GRB14: variants seen among roughly 807,000 people sequenced by gnomAD.
GRB14 encodes growth factor receptor-bound protein 14.
In GRB14, 38 loss-of-function variants were observed where a neutral mutation model predicts 69.1. The ratio of observed to expected loss-of-function variants is 0.55; its 90% CI spans 0.42 to 0.72. The LOEUF is 0.72. Among genes scored for constraint, GRB14 ranks in the 30% least tolerant of loss-of-function variants. The pLI is 0.00. For synonymous variants in GRB14, 247 were observed against 241.3 expected (o/e 1.02, Z -0.22); for missense variants, 666 against 666.1 (o/e 1.00, Z 0.00).
Position 164,497,328 on chromosome 2 carries a change from C to A in GRB14, c.1222-45G>T, listed in dbSNP as rs925660177. 8 of 1,605,638 alleles carry A rather than the reference C, an allele frequency of 5.0e-6. No homozygotes were observed. The African/African-American group carries it at 6.7e-5, about 13-fold the overall frequency. ...ACAAATCTCAAGTTTTTAGGTGAAA[C>A]AAACTGAAATCATAAATATTTTGAA... On this transcript the variant is annotated intron_variant, in intron 10 of 13. Coordinates refer to ENST00000263915, the MANE Select transcript of GRB14 (RefSeq NM_004490.3).
Position 164,605,362 on chromosome 2 carries a change from AG to A in GRB14, c.324+14324del, listed in dbSNP as rs569769293. ...GAGAAGAAGCAAGTTTAAGAGGAAG[AG>A]TATTCACTTGTTTTGGAATCTGCTG... On this transcript the variant is annotated intron_variant, in intron 2 of 13. Coordinates refer to ENST00000263915, the MANE Select transcript of GRB14 (RefSeq NM_004490.3). 4.3e-3 allele frequency among the ~76,000 whole-genome samples: 653 copies of A among 152,320 alleles called. 9 individuals are homozygous for A. Among genetic ancestry groups the A allele is most frequent in the African/African-American group, 0.015 (603 of 41,568 alleles).
At position 164,601,231 on chromosome 2, in the gene GRB14, A is replaced by AAAT. The variant is rs376887207; in HGVS notation, c.324+18453_324+18455dup. On this transcript the variant is annotated intron_variant, in intron 2 of 13. Coordinates refer to ENST00000263915, the MANE Select transcript of GRB14 (RefSeq NM_004490.3). ...AGTCATTCAAAATCTTATAAATTGA[A>AAAT]AATAATAATAATAATAATAACGACA... 7.8e-3 allele frequency among the ~76,000 whole-genome samples: 1,184 copies of AAAT among 151,792 alleles called. 4 individuals carry two copies. Among genetic ancestry groups the AAAT allele is most frequent in the Non-Finnish European group, 0.01 (703 of 67,874 alleles).
intron 6 of GRB14, among the ~76,000 whole-genome samples, chr2:164,513,573 T>C (rs1193954986): frequency 1.3e-5 from 2 of 151,984 alleles, no homozygotes; most frequent in African/African-American, 2.4e-5. Context: ...AAAGATCACA[T>C]AACAAGAATA....
At position 164,492,642 on chromosome 2, in the gene GRB14, T is replaced by TATA. The variant is rs1686786713; in HGVS notation, c.*391_*393dup. Among the ~76,000 whole-genome samples, 1 of 152,208 alleles carries TATA rather than the reference T, an allele frequency of 6.6e-6. No homozygotes were observed. The highest frequency in any genetic ancestry group is 1.9e-4 in the East Asian group (1 of 5,182). On this transcript the variant is annotated 3_prime_UTR_variant, in exon 14 of 14. Coordinates refer to ENST00000263915, the MANE Select transcript of GRB14 (RefSeq NM_004490.3). ...CATATTTCTTAACATTAAAAAATAG[T>TATA]ATAATTGAAATTTAGTGCACAAATA...
chr2:164,612,398 GA>G (rs1338678159), intron 2 of GRB14, among the ~76,000 whole-genome samples: 10 of 152,296 alleles, frequency 6.6e-5, no homozygotes, highest in African/African-American at 2.4e-4. Flanking sequence ...GTGGGCCAAA[GA>G]AAAGGACAAG....
chr2:164,607,339 T>C (rs944113357), intron 2 of GRB14, among the ~76,000 whole-genome samples: 7 of 152,360 alleles, frequency 4.6e-5, no homozygotes, highest in African/African-American at 1.7e-4. Flanking sequence ...GTGCTAGGCA[T>C]AATTCTACAT....
intron 2 of GRB14, among the ~76,000 whole-genome samples, chr2:164,586,909 T>C (rs775410519): frequency 2.6e-5 from 4 of 152,128 alleles, no homozygotes; most frequent in Non-Finnish European, 4.4e-5. Context: ...GCTGACATAA[T>C]GCTTGGCAAA....
At chr2:164,499,141 T>C (rs560974622) in intron 9 of GRB14, among the ~76,000 whole-genome samples, 2 of 152,190 alleles carry the variant, frequency 1.3e-5, no homozygotes, top group South Asian at 2.1e-4. Context: ...ATAATATCTC[T>C]CCGTTTACAT....
chr2:164,621,321 G>C lies in GRB14; in HGVS notation c.-12C>G. The C allele has an allele frequency of 7.8e-7, 1 of 1,281,578 alleles. No homozygotes were observed. Among genetic ancestry groups the C allele is most frequent in the Non-Finnish European group, 9.9e-7 (1 of 1,014,192 alleles). 79.4% of individuals were successfully genotyped at this position (1,281,578 alleles called of 1,614,324 possible). The stretch of plus-strand genomic sequence containing the variant: ...AGGGAAGTGGTCATTGTCGCCGGCC[G>C]GGGGGCTCGGGCGTCATGGGAGACT... On this transcript the variant is annotated 5_prime_UTR_variant, in exon 1 of 14. Coordinates refer to ENST00000263915, the MANE Select transcript of GRB14 (RefSeq NM_004490.3). The surrounding 1 kb of genome is among the most constrained non-coding windows in gnomAD (Gnocchi z 6.0).
At chr2:164,582,596 T>A (rs1422243046) in intron 2 of GRB14, among the ~76,000 whole-genome samples, 1 of 152,040 alleles carries the variant, frequency 6.6e-6, no homozygotes, top group Non-Finnish European at 1.5e-5. Context: ...AATTTTCGTA[T>A]TTTTAGTAGA....
chr2:164,519,860 T>C (rs549458996), intron 6 of GRB14, among the ~76,000 whole-genome samples: 18 of 151,930 alleles, frequency 1.2e-4, no homozygotes, highest in South Asian at 6.2e-4. Flanking sequence ...AAAGAAAACA[T>C]AGATGACACA....
chr2:164,525,586 A>C (rs902899202), intron 4 of GRB14, among the ~76,000 whole-genome samples: 1 of 152,030 alleles, frequency 6.6e-6, no homozygotes, highest in Admixed American at 6.6e-5. Context: ...AAATTCACCC[A>C]GGGCAGTTGT....
intron 6 of GRB14, among the ~76,000 whole-genome samples, chr2:164,509,122 TCTC>T (rs1208074467): frequency 7.2e-5 from 11 of 152,232 alleles, no homozygotes; most frequent in African/African-American, 2.7e-4. Flanking sequence ...AACTTCCGAT[TCTC>T]TTTAACCACC....
At chr2:164,597,701 CAGAA>C (rs1558876902) in intron 2 of GRB14, among the ~76,000 whole-genome samples, 1 of 149,218 alleles carries the variant, frequency 6.7e-6, no homozygotes, top group African/African-American at 2.5e-5. Flanking sequence ...GAGAGGGAGA[CAGAA>C]GGAAGAAAGG....
Position 164,527,021 on chromosome 2 carries a change from T to G in GRB14, c.596A>C (p.Asn199Thr), listed in dbSNP as rs757457176. Residue 199 changes from asparagine to threonine, a missense_variant, in exon 4 of 14, where the codon AAC (asparagine) becomes ACC (threonine). By Grantham distance (65) the Asn-to-Thr change is moderately conservative (BLOSUM62 0). Transcript: ENST00000263915. ...KNYAKYEFFK[N>T]PMYFFPEHMV... ...AGGAGGGATTTCACTTACCATTGGG[T>G]TTTTAAAGAACTCATATTTGGCATA... 1.3e-6 allele frequency: 2 copies of G among 1,592,700 alleles called. No homozygotes were observed. The highest frequency in any genetic ancestry group is 1.1e-5 in the South Asian group (1 of 89,592).
chr2:164,544,541 G>A (rs1422789657), intron 3 of GRB14, among the ~76,000 whole-genome samples: 1 of 152,176 alleles, frequency 6.6e-6, no homozygotes, highest in Non-Finnish European at 1.5e-5. Context: ...CATACTTCTA[G>A]GAGATTAATT....
chr2:164,600,557 G>A (rs1321933908), intron 2 of GRB14, among the ~76,000 whole-genome samples: 1 of 152,068 alleles, frequency 6.6e-6, no homozygotes. Context: ...TCTCCCGGCA[G>A]GTACTTGTTA....
At chr2:164,526,916 C>A in intron 4 of GRB14, 98 bp downstream of exon 4, 1 of 701,866 alleles carries the variant, frequency 1.4e-6, no homozygotes, top group Non-Finnish European at 2.1e-6. Context: ...TACAATTTAC[C>A]GAATAGGACT....
chr2:164,542,872 C>T (rs541906326), intron 3 of GRB14, among the ~76,000 whole-genome samples: 193 of 152,288 alleles, frequency 1.3e-3, no homozygotes, highest in African/African-American at 4.4e-3. Flanking sequence ...TCATCCAACC[C>T]GGCAATCCCA....
Sources: allele counts gnomAD v4.1 joint callset (sites outside exome capture counted in the v4.1 genomes callset), GRCh38; gene constraint gnomAD v4.1.1; non-coding constraint Gnocchi (gnomAD v3.1); transcripts MANE v1.5; gene names NCBI Gene and HGNC (gene_info 2026-07-23, HGNC 2026-07-21).